IFNLR1: variants seen among roughly 807,000 people sequenced by gnomAD.
The protein encoded by IFNLR1 is interferon lambda receptor 1.
In IFNLR1, 28 loss-of-function variants were observed where a neutral mutation model predicts 52.5. The observed-to-expected ratio is 0.53, with a 90% CI of 0.40 to 0.73. The LOEUF (loss-of-function observed/expected upper bound fraction) is 0.73. Ranked by LOEUF, IFNLR1 falls within the 30% of genes least tolerant of loss-of-function variation. IFNLR1 has a pLI of 0.00. For missense variants in IFNLR1, 623 were observed against 659.1 expected (o/e 0.95, Z 0.60); for synonymous variants, 276 against 274.9 (o/e 1.00, Z -0.04).
intron 2 of IFNLR1, 46 bp downstream of exon 2, chr1:24,180,685 C>T: frequency 7.9e-7 from 1 of 1,261,122 alleles, no homozygotes; most frequent in Non-Finnish European, 1.1e-6. Flanking sequence ...AGCCCCCACC[C>T]ACCCCCTCAG....
At chr1:24,169,649 G>C (rs1644558474) in intron 2 of IFNLR1, 48 bp from the exon 3 acceptor site, 2 of 1,557,880 alleles carry the variant, frequency 1.3e-6, no homozygotes, top group Non-Finnish European at 1.7e-6. Flanking sequence ...AGCCTCTCCG[G>C]GTCAGGGAAC....
At chr1:24,174,173 G>C (rs1304414153) in intron 2 of IFNLR1, among the ~76,000 whole-genome samples, 1 of 152,232 alleles carries the variant, frequency 6.6e-6, no homozygotes, top group Non-Finnish European at 1.5e-5. Context: ...GACACAGCAA[G>C]AAGGCAGCCA....
chr1:24,186,272 G>A (rs1432872181), intron 1 of IFNLR1, among the ~76,000 whole-genome samples: 1 of 152,128 alleles, frequency 6.6e-6, no homozygotes, highest in Non-Finnish European at 1.5e-5. Context: ...AGCCAGGCTT[G>A]CTTTAGCCCC....
intron 1 of IFNLR1, among the ~76,000 whole-genome samples, chr1:24,181,636 A>C (rs1411547293): frequency 2.6e-5 from 4 of 152,140 alleles, no homozygotes; most frequent in Non-Finnish European, 5.9e-5. Flanking sequence ...AGGATCTGTA[A>C]GTAATAAGCC....
intron 3 of IFNLR1, among the ~76,000 whole-genome samples, chr1:24,169,090 A>AG (rs944583785): frequency 4.6e-5 from 7 of 151,860 alleles, no homozygotes; most frequent in African/African-American, 1.5e-4. Flanking sequence ...GCTGAACATA[A>AG]AAAATAGGAA....
intron 6 of IFNLR1, among the ~76,000 whole-genome samples, chr1:24,158,175 C>G (rs1644403132): frequency 6.6e-6 from 1 of 152,220 alleles, no homozygotes; most frequent in African/African-American, 2.4e-5. Context: ...GGGGACGCTC[C>G]TGGGCTATTT....
Position 24,157,823 on chromosome 1 carries a change from C to T in IFNLR1, c.870G>A (p.Leu290=), listed in dbSNP as rs141153963. The change falls in exon 7 of 7, where the codon TTG becomes TTA. Residue 290 remains leucine (L), a synonymous_variant. Coordinates refer to ENST00000327535, the MANE Select transcript of IFNLR1 (RefSeq NM_170743.4). The surrounding 1 kb of genome is among the most constrained non-coding windows in gnomAD (Gnocchi z 5.1). ...QPSRPESVND[L]FLCPQKELTR... ...TCAGTTCCTTTTGGGGACAGAGGAA[C>T]AAGTCATTCACGGACTCTGGTCTGC... 8.1e-6 allele frequency: 13 copies of T among 1,613,498 alleles called. No individual in the cohort carries two copies. The highest frequency in any genetic ancestry group is 1.1e-5 in the Non-Finnish European group (13 of 1,179,810).
intron 3 of IFNLR1, among the ~76,000 whole-genome samples, chr1:24,162,341 T>A (rs1644453270): frequency 6.6e-6 from 1 of 151,992 alleles, no homozygotes; most frequent in Non-Finnish European, 1.5e-5. Context: ...CACCATGGAG[T>A]CCTGTTTATG....
chr1:24,178,024 C>G (rs954831382), intron 2 of IFNLR1, among the ~76,000 whole-genome samples: 1 of 152,104 alleles, frequency 6.6e-6, no homozygotes, highest in African/African-American at 2.4e-5. Flanking sequence ...ATGGCTCATG[C>G]CTGTAATCCC....
At chr1:24,175,830 A>C (rs1341084921) in intron 2 of IFNLR1, among the ~76,000 whole-genome samples, 2 of 151,930 alleles carry the variant, frequency 1.3e-5, no homozygotes, top group Non-Finnish European at 2.9e-5. Context: ...GCTACTCAGG[A>C]GGCTGAGGCA....
At position 24,180,917 on chromosome 1, in the gene IFNLR1, C is replaced by T. The variant is rs1644684172; in HGVS notation, c.59-63G>A. The T allele has an allele frequency of 3.8e-6, 6 of 1,564,254 alleles. No individual in the cohort carries two copies. The East Asian group carries it at 9.1e-5, about 24-fold the overall frequency. On this transcript the variant is annotated intron_variant, in intron 1 of 6. Transcript: ENST00000327535. ...TGGCTGGTCTTGACTCAGGCCATCC[C>T]AAGCTGAGGGGCAGCACGAAGGGCA...
At chr1:24,180,674 CA>C in intron 2 of IFNLR1, 56 bp downstream of exon 2, 2 of 1,108,640 alleles carry the variant, frequency 1.8e-6, no homozygotes, top group Non-Finnish European at 2.6e-6. Context: ...GAAGCCCCTC[CA>C]GCCCCCACCC....
At chr1:24,162,170 G>T (rs1227116566) in intron 3 of IFNLR1, among the ~76,000 whole-genome samples, 1 of 152,246 alleles carries the variant, frequency 6.6e-6, no homozygotes. Context: ...TGGGGGAGAA[G>T]ACACTTCCAA....
At chr1:24,187,134 C>A in intron 1 of IFNLR1, 57 bp downstream of exon 1, 1 of 1,187,972 alleles carries the variant, frequency 8.4e-7, no homozygotes, top group Non-Finnish European at 1.1e-6. Flanking sequence ...CGAGGGTAGG[C>A]GCGGCCCGGC....
chr1:24,175,079 CT>C (rs1644618679), intron 2 of IFNLR1, among the ~76,000 whole-genome samples: 1 of 152,230 alleles, frequency 6.6e-6, no homozygotes, highest in Non-Finnish European at 1.5e-5. Context: ...GGCTGTTGGA[CT>C]TCTGGGATTC....
chr1:24,157,790 C>T lies in IFNLR1; in HGVS notation c.903G>A (p.Gly301=). ...FLCPQKELTR[G]VRPTPRVRAP... ...CCCTGACTCGAGGCGTCGGCCTGAC[C>T]CCTCTGGTCAGTTCCTTTTGGGGAC... Residue 301 remains glycine (G), a synonymous_variant, in exon 7 of 7, where the codon GGG becomes GGA. Transcript: ENST00000327535. The surrounding 1 kb of genome is among the most constrained non-coding windows in gnomAD (Gnocchi z 5.1). The T allele has an allele frequency of 3.7e-6, 6 of 1,614,210 alleles. No homozygotes were observed. Among genetic ancestry groups the T allele is most frequent in the Non-Finnish European group, 5.1e-6 (6 of 1,180,036 alleles).
chr1:24,163,622 C>T (rs1332160357), intron 3 of IFNLR1, among the ~76,000 whole-genome samples: 3 of 151,356 alleles, frequency 2.0e-5, no homozygotes, highest in Non-Finnish European at 4.4e-5. Flanking sequence ...TCTTGTTGCC[C>T]AGGCTGGAGT....
intron 2 of IFNLR1, among the ~76,000 whole-genome samples, chr1:24,176,235 G>A (rs1204124254): frequency 6.6e-6 from 1 of 152,232 alleles, no homozygotes; most frequent in African/African-American, 2.4e-5. Context: ...AGCCAGACAC[G>A]AAAGGGTACA....
At position 24,157,784 on chromosome 1, in the gene IFNLR1, C is replaced by G. The variant is rs1458476289; in HGVS notation, c.909G>C (p.Arg303Ser). 12 of 1,614,200 alleles carry G rather than the reference C, an allele frequency of 7.4e-6. No homozygotes were observed. Among genetic ancestry groups the G allele is most frequent in the Non-Finnish European group, 1.0e-5 (12 of 1,180,030 alleles). Residue 303 changes from arginine to serine, a missense_variant, in exon 7 of 7, where the codon AGG becomes AGC. Arg to Ser is a moderately radical substitution (Grantham distance 110). Transcript: ENST00000327535. The surrounding 1 kb of genome is among the most constrained non-coding windows in gnomAD (Gnocchi z 5.1). The stretch of plus-strand genomic sequence containing the variant: ...CTGGGGCCCTGACTCGAGGCGTCGG[C>G]CTGACCCCTCTGGTCAGTTCCTTTT... ...CPQKELTRGV[R>S]PTPRVRAPAT...
Sources: gnomAD v4.1 joint callset for allele counts (sites outside exome capture counted in the v4.1 genomes callset) on GRCh38, gnomAD v4.1.1 for gene constraint, Gnocchi (gnomAD v3.1) non-coding constraint, MANE v1.5 for transcripts, NCBI Gene and HGNC (gene_info 2026-07-23, HGNC 2026-07-21) for gene names.